MORN5: variants seen among roughly 807,000 people sequenced by gnomAD.
MORN5 encodes MORN repeat-containing protein 5.
Under a neutral mutation model 22.1 loss-of-function variants are expected in MORN5, and 21 were observed. That is an observed-to-expected ratio of 0.95 (90% confidence interval 0.67 to 1.37). The LOEUF is 1.37. Among genes scored for constraint, MORN5 ranks in the 40% most tolerant of loss-of-function variants. The pLI is 0.00. For synonymous variants in MORN5, 73 were observed against 74.0 expected, an observed-to-expected ratio of 0.99 and a Z score of 0.07; for missense variants, 211 against 215.1, an observed-to-expected ratio of 0.98 and a Z score of 0.12.
chr9:122,186,121 G>C (rs956929142), intron 4 of MORN5, among the ~76,000 whole-genome samples: 2 of 152,236 alleles, frequency 1.3e-5, no homozygotes, highest in African/African-American at 4.8e-5. Flanking sequence ...CCTGCCAGCA[G>C]ACGCGCATTT....
At chr9:122,173,830 C>A (rs1039824000) in intron 3 of MORN5, among the ~76,000 whole-genome samples, 1 of 152,118 alleles carries the variant, frequency 6.6e-6, no homozygotes, top group African/African-American at 2.4e-5. Context: ...AGCTGGATAA[C>A]CTTGGGAAAG....
At chr9:122,191,069 C>T (rs1302237997) in intron 4 of MORN5, among the ~76,000 whole-genome samples, 1 of 152,194 alleles carries the variant, frequency 6.6e-6, no homozygotes, top group Non-Finnish European at 1.5e-5. Context: ...GGTCCTGGTC[C>T]AGCCCTGTGC....
rs911030126 is a variant in MORN5, at chr9:122,197,719, G to A, written c.440-2166G>A. ...TACACCCAGTTTGTCTGGTTTCAGGGGTTACTGCTGAAGAGGTTGCAGCTG... is the reference window on the plus strand; with the variant it reads ...TACACCCAGTTTGTCTGGTTTCAGGAGTTACTGCTGAAGAGGTTGCAGCTG... On this transcript the variant is annotated intron_variant, in intron 4 of 4. Coordinates refer to ENST00000373764, the MANE Select transcript of MORN5 (RefSeq NM_198469.4). This position sits in a 1 kb window ranked among gnomAD's most constrained non-coding sequence, Gnocchi z 5.7. Among the ~76,000 whole-genome samples, 2 of 152,206 alleles carry A rather than the reference G, an allele frequency of 1.3e-5. No homozygotes were observed. The highest frequency in any genetic ancestry group is 4.8e-5 in the African/African-American group (2 of 41,446).
At chr9:122,172,548 G>A (rs1271601673) in intron 3 of MORN5, among the ~76,000 whole-genome samples, 4 of 151,842 alleles carry the variant, frequency 2.6e-5, no homozygotes, top group Admixed American at 6.6e-5. Context: ...ACTCCTTCCC[G>A]TACTTCAGTT....
intron 3 of MORN5, among the ~76,000 whole-genome samples, chr9:122,173,215 T>C (rs756090161): frequency 8.5e-5 from 13 of 152,180 alleles, no homozygotes; most frequent in Non-Finnish European, 1.8e-4. Context: ...TGATTCTAAG[T>C]AGCTACTTCC....
Position 122,197,517 on chromosome 9 carries a change from G to T in MORN5, c.440-2368G>T. On this transcript the variant is annotated intron_variant, in intron 4 of 4. Transcript: ENST00000373764. The surrounding 1 kb of genome is among the most constrained non-coding windows in gnomAD (Gnocchi z 5.7). The stretch of plus-strand genomic sequence containing the variant: ...AGGGCCAGGGGAGCCGCAGAGAGGC[G>T]CAGGGGAGGCGGAGGGAGGGGTTGG... 6.6e-6 allele frequency among the ~76,000 whole-genome samples: 1 copy of T among 152,300 alleles called. No homozygotes were observed. The highest frequency in any genetic ancestry group is 3.4e-3 in the Middle Eastern group (1 of 294).
chr9:122,164,576 G>A, intron 1 of MORN5: 1 of 985,654 alleles, frequency 1.0e-6, no homozygotes, highest in African/African-American at 1.7e-5. Context: ...CTTAGGGGAG[G>A]AGGAGATGAG....
intron 4 of MORN5, among the ~76,000 whole-genome samples, chr9:122,176,247 C>T (rs1464146828): frequency 6.6e-6 from 1 of 152,140 alleles, no homozygotes; most frequent in Non-Finnish European, 1.5e-5. Context: ...ACTCCAAGTC[C>T]CCCAGCTCAC....
intron 4 of MORN5, among the ~76,000 whole-genome samples, chr9:122,193,707 G>A (rs1427016998): frequency 6.6e-6 from 1 of 152,222 alleles, no homozygotes; most frequent in Non-Finnish European, 1.5e-5. Flanking sequence ...AAGTACCTTG[G>A]GTCTCTGTTG....
At chr9:122,187,198 C>T (rs913898897) in intron 4 of MORN5, among the ~76,000 whole-genome samples, 4 of 152,232 alleles carry the variant, frequency 2.6e-5, no homozygotes, top group Admixed American at 6.5e-5. Context: ...CTTTTACACC[C>T]AGGGTGAAAA....
In MORN5 at chr9:122,192,292, C is replaced by T. The variant is rs553003190; in HGVS notation, c.440-7593C>T. On this transcript the variant is annotated intron_variant, in intron 4 of 4. Coordinates refer to ENST00000373764, the MANE Select transcript of MORN5 (RefSeq NM_198469.4). ...TCCTGTGCCCCAAGTGCTGTGCTAA[C>T]CTTTTTTAGGAATGATCTCACTTGG... Among the ~76,000 whole-genome samples the T allele has an allele frequency of 4.6e-5, 7 of 152,300 alleles. No individual in the cohort carries two copies. In the South Asian group the frequency reaches 1.5e-3, roughly 32 times the overall value.
At chr9:122,188,539 G>A (rs914887318) in intron 4 of MORN5, among the ~76,000 whole-genome samples, 7 of 152,196 alleles carry the variant, frequency 4.6e-5, no homozygotes, top group African/African-American at 7.2e-5. Context: ...TCGGTCCATC[G>A]TCCACTTGCA....
chr9:122,175,808 T>C, intron 4 of MORN5: 4 of 684,592 alleles, frequency 5.8e-6, no homozygotes, highest in Non-Finnish European at 7.2e-6. Context: ...AGGTGCCTCA[T>C]GGGGCTAGAA....
chr9:122,163,046 TA>T (rs11335886), intron 1 of MORN5, among the ~76,000 whole-genome samples: 75,129 of 148,834 alleles, frequency 0.5, 21,209 homozygotes, highest in African/African-American at 0.78. Flanking sequence ...GTGTGAATAT[TA>T]AAAAAAAAAA....
At chr9:122,198,571 G>C (rs1311899100) in intron 4 of MORN5, among the ~76,000 whole-genome samples, 1 of 152,156 alleles carries the variant, frequency 6.6e-6, no homozygotes, top group Non-Finnish European at 1.5e-5. Context: ...AGCGTGGTGT[G>C]AAAAAAGCAT....
chr9:122,180,687 G>T (rs970146315), intron 4 of MORN5, among the ~76,000 whole-genome samples: 2 of 152,186 alleles, frequency 1.3e-5, no homozygotes, highest in African/African-American at 4.8e-5. Context: ...GTGGACCATT[G>T]TTCTAGGCAG....
intron 4 of MORN5, among the ~76,000 whole-genome samples, chr9:122,177,833 A>AT (rs1172176263): frequency 2.0e-5 from 3 of 152,306 alleles, no homozygotes; most frequent in South Asian, 2.1e-4. Context: ...ACAAATGTAT[A>AT]TTTTTTTGTA....
At chr9:122,189,676 G>T in intron 4 of MORN5, among the ~76,000 whole-genome samples, 1 of 151,856 alleles carries the variant, frequency 6.6e-6, no homozygotes, top group East Asian at 1.9e-4. Flanking sequence ...GCATGATCTC[G>T]GCTCACTGCA....
intron 4 of MORN5, among the ~76,000 whole-genome samples, chr9:122,191,350 CT>C: frequency 6.6e-6 from 1 of 152,346 alleles, no homozygotes; most frequent in Non-Finnish European, 1.5e-5. Flanking sequence ...ACACTCGCAG[CT>C]TCACTGAGCG....
Sources: gnomAD v4.1 joint callset for allele counts (sites outside exome capture counted in the v4.1 genomes callset) on GRCh38, gnomAD v4.1.1 for gene constraint, Gnocchi (gnomAD v3.1) non-coding constraint, MANE v1.5 for transcripts, NCBI Gene and HGNC (gene_info 2026-07-23, HGNC 2026-07-21) for gene names.